Variants in TAF4 observed in about 807,000 individuals in gnomAD.
TAF4 encodes TATA-box binding protein associated factor 4.
In TAF4, 9 loss-of-function variants were observed where a neutral mutation model predicts 90.3. The observed-to-expected ratio is 0.10, with a 90% confidence interval of 0.06 to 0.17. TAF4 has a LOEUF of 0.17. Among genes scored for constraint, TAF4 ranks in the 10% least tolerant of loss-of-function variants. The pLI, the probability that TAF4 is intolerant of heterozygous loss-of-function variation, is 1.00. For synonymous variants in TAF4, 818 were observed against 638.9 expected, an observed-to-expected ratio of 1.28 and a Z score of -4.23; for missense variants, 1,351 against 1,370.7, an observed-to-expected ratio of 0.99 and a Z score of 0.23.
intron 4 of TAF4, 28 bp from the exon 5 acceptor site, chr20:62,009,202 A>G (rs2123142188): frequency 6.3e-7 from 1 of 1,581,826 alleles, no homozygotes; most frequent in East Asian, 2.2e-5. Context: ...GATATAAGTG[A>G]AAAATCTTAA....
chr20:62,014,809 A>G, intron 1 of TAF4, 102 bp from the exon 2 acceptor site: 1 of 1,486,648 alleles, frequency 6.7e-7, no homozygotes, highest in Non-Finnish European at 9.0e-7. Flanking sequence ...AGAAGGAAAC[A>G]AAGGAAATCA....
At chr20:62,048,368 A>G (rs1282231922) in intron 1 of TAF4, among the ~76,000 whole-genome samples, 1 of 152,132 alleles carries the variant, frequency 6.6e-6, no homozygotes, top group Non-Finnish European at 1.5e-5. Flanking sequence ...TCCCGAGTGC[A>G]GAGCAGTGAG....
chr20:62,000,193 C>A lies in TAF4; in HGVS notation c.2718G>T (p.Thr906=), dbSNP rs373908889. 5.6e-6 allele frequency: 9 copies of A among 1,614,080 alleles called. No individual in the cohort carries two copies. In the African/African-American group the frequency reaches 1.1e-4, roughly 19 times the overall value. Reference sequence around the variant, plus strand: ...CTACAAGATTCTGTAGCCTTTGTTGCGTGGCATGTGATACATAACTTACTA... The same window carrying A: ...CTACAAGATTCTGTAGCCTTTGTTGAGTGGCATGTGATACATAACTTACTA... ...PDVVSYVSHA[T]QQRLQNLVEK... The change falls in exon 11 of 15, where the codon ACG becomes ACT. Residue 906 remains threonine, a synonymous_variant. Coordinates refer to ENST00000252996, the MANE Select transcript of TAF4 (RefSeq NM_003185.4).
At chr20:62,046,634 G>A (rs985647291) in intron 1 of TAF4, among the ~76,000 whole-genome samples, 4 of 152,150 alleles carry the variant, frequency 2.6e-5, no homozygotes, top group African/African-American at 9.7e-5. Flanking sequence ...AAATATCCTG[G>A]GTGGGGCTGC....
At chr20:61,977,027 C>A (rs1342767825) in intron 14 of TAF4, among the ~76,000 whole-genome samples, 1 of 152,200 alleles carries the variant, frequency 6.6e-6, no homozygotes, top group African/African-American at 2.4e-5. Context: ...CATGACACCG[C>A]CCAGCAGGGC....
chr20:62,042,620 C>T (rs6121504), intron 1 of TAF4, among the ~76,000 whole-genome samples: 67 of 152,260 alleles, frequency 4.4e-4, no homozygotes, highest in Non-Finnish European at 7.2e-4. Flanking sequence ...CTCCCCTGCA[C>T]GCTCCCCTTC....
At position 62,000,973 on chromosome 20, in the gene TAF4, G is replaced by A. The variant is rs559554806; in HGVS notation, c.2487-252C>T. On this transcript the variant is annotated intron_variant, in intron 9 of 14. Transcript: ENST00000252996. Reference sequence around the variant, plus strand: ...CGGGTTAACATCTACACACAGATGCGCAGGGGACTCAAGTCCAGAGAAAGC... The same window carrying A: ...CGGGTTAACATCTACACACAGATGCACAGGGGACTCAAGTCCAGAGAAAGC... Among the ~76,000 whole-genome samples the A allele has an allele frequency of 1.4e-4, 21 of 152,370 alleles. No individual in the cohort carries two copies. In the East Asian group the frequency reaches 2.5e-3, roughly 18 times the overall value.
At chr20:62,033,087 G>A (rs1048788255) in intron 1 of TAF4, among the ~76,000 whole-genome samples, 3 of 152,166 alleles carry the variant, frequency 2.0e-5, no homozygotes, top group Non-Finnish European at 2.9e-5. Context: ...GCAAGGATAC[G>A]GTGAGGGAGT....
chr20:62,005,686 C>T (rs2055740337), intron 7 of TAF4: 1 of 152,280 alleles, frequency 6.6e-6, no homozygotes, highest in Non-Finnish European at 1.5e-5. Context: ...CCATTTCACC[C>T]TGTTCTCCTC....
Position 62,036,037 on chromosome 20 carries a change from A to ATTTT in TAF4, c.1361-21331_1361-21330insAAAA, listed in dbSNP as rs1568938530. Reference sequence around the variant, plus strand: ...TAATCAAATTTCTTTTTTTTTTTAAAAAAAAAAAAGAGTTTTGCTCTTGTT... The same window carrying ATTTT: ...TAATCAAATTTCTTTTTTTTTTTAAATTTTAAAAAAAAAGAGTTTTGCTCTTGTT... On this transcript the variant is annotated intron_variant, in intron 1 of 14. Coordinates refer to ENST00000252996, the MANE Select transcript of TAF4 (RefSeq NM_003185.4). 5.8e-4 allele frequency among the ~76,000 whole-genome samples: 77 copies of ATTTT among 131,928 alleles called. 1 individual carries two copies. Among genetic ancestry groups the ATTTT allele is most frequent in the East Asian group, 2.0e-3 (10 of 4,968 alleles). The allele number at this position is 131,928 out of a possible 152,430, so 86.5% of individuals were successfully genotyped here.
At chr20:62,037,488 G>C (rs2055939253) in intron 1 of TAF4, 1 of 152,372 alleles carries the variant, frequency 6.6e-6, no homozygotes, top group Non-Finnish European at 1.5e-5. Flanking sequence ...TTTCCTCTGT[G>C]CAACTTCCTC....
At chr20:61,993,586 C>G (rs1468669658) in intron 14 of TAF4, among the ~76,000 whole-genome samples, 1 of 152,190 alleles carries the variant, frequency 6.6e-6, no homozygotes, top group Non-Finnish European at 1.5e-5. Flanking sequence ...ACCAGTGTCT[C>G]GCTGCACAAC....
In TAF4 at chr20:62,063,389, G is replaced by A. The variant is rs147751160; in HGVS notation, c.1360+1062C>T. Reference sequence around the variant, plus strand: ...TGCCACCGCGCTGCTACAACTGCACGGCACGCGTCACCACAGGCCGGGGAG... The same window carrying A: ...TGCCACCGCGCTGCTACAACTGCACAGCACGCGTCACCACAGGCCGGGGAG... On this transcript the variant is annotated intron_variant, in intron 1 of 14. Transcript: ENST00000252996. 6.3e-3 allele frequency among the ~76,000 whole-genome samples: 965 copies of A among 152,090 alleles called. 20 individuals are homozygous for A. Among genetic ancestry groups the A allele is most frequent in the African/African-American group, 0.022 (917 of 41,480 alleles).
intron 1 of TAF4, among the ~76,000 whole-genome samples, chr20:62,032,411 G>A (rs925427882): frequency 6.6e-6 from 1 of 152,218 alleles, no homozygotes; most frequent in Non-Finnish European, 1.5e-5. Flanking sequence ...GTGTTTTAAG[G>A]CAGCTTTATC....
At chr20:61,983,829 C>T (rs1036885518) in intron 14 of TAF4, among the ~76,000 whole-genome samples, 5 of 152,052 alleles carry the variant, frequency 3.3e-5, no homozygotes, top group Non-Finnish European at 5.9e-5. Flanking sequence ...CAGAGAGACA[C>T]GGAAAACAAA....
chr20:62,019,043 C>T (rs2055828231), intron 1 of TAF4, among the ~76,000 whole-genome samples: 1 of 151,796 alleles, frequency 6.6e-6, no homozygotes, highest in Non-Finnish European at 1.5e-5. Context: ...ACAGCCAAAA[C>T]CCCACACCAG....
intron 1 of TAF4, among the ~76,000 whole-genome samples, chr20:62,055,399 T>A (rs540802823): frequency 6.6e-6 from 1 of 152,282 alleles, no homozygotes; most frequent in East Asian, 1.9e-4. Flanking sequence ...CAATTCACAC[T>A]GTGCAGTCCT....
chr20:61,993,878 G>C (rs202008056), intron 14 of TAF4, among the ~76,000 whole-genome samples: 1 of 151,998 alleles, frequency 6.6e-6, no homozygotes, highest in Non-Finnish European at 1.5e-5. Context: ...TCAGCCTCCC[G>C]AGTAGCTGGA....
intron 2 of TAF4, among the ~76,000 whole-genome samples, chr20:62,014,040 GTGTGTA>G (rs1487125901): frequency 0.014 from 1,902 of 134,762 alleles, 51 homozygotes; most frequent in African/African-American, 0.054. Flanking sequence ...GTGTGTGTGT[GTGTGTA>G]TGTGTGTGTG....
Sources: allele counts gnomAD v4.1 joint callset (sites outside exome capture counted in the v4.1 genomes callset), GRCh38; gene constraint gnomAD v4.1.1; transcripts MANE v1.5; gene names NCBI Gene and HGNC (gene_info 2026-07-23, HGNC 2026-07-21).